CNTNAP2: variants seen among roughly 807,000 people sequenced by gnomAD.
CNTNAP2 encodes the protein contactin-associated protein-like 2.
CNTNAP2 carries 98 observed loss-of-function variants against 155.2 expected under a neutral mutation model. That is an observed-to-expected ratio of 0.63 (90% CI 0.54 to 0.75). CNTNAP2 has a LOEUF of 0.75. CNTNAP2 is among the 30% of genes least tolerant of loss of function. The probability of loss-of-function intolerance (pLI) is 0.00; values close to 1 mark genes in which losing one functional copy is unlikely to be tolerated. For synonymous variants in CNTNAP2, 651 were observed against 631.2 expected, an observed-to-expected ratio of 1.03 and a Z score of -0.47; for missense variants, 1,727 against 1,688.1, an observed-to-expected ratio of 1.02 and a Z score of -0.40.
At chr7:146,256,777 A>G (rs1050117753) in intron 1 of CNTNAP2, among the ~76,000 whole-genome samples, 2 of 152,094 alleles carry the variant, frequency 1.3e-5, no homozygotes, top group Non-Finnish European at 2.9e-5. Flanking sequence ...ATTTCCTTCA[A>G]TTACTGGTGG....
At chr7:148,294,488 G>A (rs10155900) in intron 21 of CNTNAP2, among the ~76,000 whole-genome samples, 115,634 of 151,968 alleles carry the variant, frequency 0.76, 44,233 homozygotes, top group South Asian at 0.91. Context: ...GGAGAATTCT[G>A]TGCAAACCTA....
intron 1 of CNTNAP2, among the ~76,000 whole-genome samples, chr7:146,585,202 A>G (rs1798670282): frequency 6.6e-6 from 1 of 151,878 alleles, no homozygotes; most frequent in Non-Finnish European, 1.5e-5. Context: ...GCTCACTGCA[A>G]CCTCTGACTC....
intron 15 of CNTNAP2, among the ~76,000 whole-genome samples, chr7:148,034,288 T>A (rs1585089126): frequency 1.3e-5 from 2 of 152,324 alleles, no homozygotes; most frequent in South Asian, 4.1e-4. Flanking sequence ...GTCCTCATTA[T>A]CAGGGCTATG....
chr7:147,915,988 G>A (rs1452030132), intron 14 of CNTNAP2, among the ~76,000 whole-genome samples: 1 of 152,120 alleles, frequency 6.6e-6, no homozygotes, highest in Non-Finnish European at 1.5e-5. Context: ...ACTCTTTTAG[G>A]AGCTTAACTA....
At chr7:147,702,167 T>C (rs1199169848) in intron 13 of CNTNAP2, among the ~76,000 whole-genome samples, 1 of 151,672 alleles carries the variant, frequency 6.6e-6, no homozygotes, top group African/African-American at 2.4e-5. Context: ...GTTAAGTTTG[T>C]CTTGGAGAGA....
intron 22 of CNTNAP2, among the ~76,000 whole-genome samples, chr7:148,407,745 A>G (rs1585352443): frequency 6.7e-6 from 1 of 149,688 alleles, no homozygotes; most frequent in Non-Finnish European, 1.5e-5. Flanking sequence ...CAGTTAAAAC[A>G]AGCAAAAACC....
At chr7:146,449,530 T>G (rs1796447653) in intron 1 of CNTNAP2, among the ~76,000 whole-genome samples, 1 of 152,192 alleles carries the variant, frequency 6.6e-6, no homozygotes, top group South Asian at 2.1e-4. Flanking sequence ...ATGTTTCATC[T>G]ACAGTATCAA....
At chr7:146,246,631 C>G (rs559305378) in intron 1 of CNTNAP2, among the ~76,000 whole-genome samples, 1 of 149,664 alleles carries the variant, frequency 6.7e-6, no homozygotes, top group Admixed American at 6.6e-5. Context: ...CCGAGGCGAT[C>G]CGACAGCATC....
At chr7:146,152,757 T>C (rs1798070425) in intron 1 of CNTNAP2, among the ~76,000 whole-genome samples, 1 of 152,110 alleles carries the variant, frequency 6.6e-6, no homozygotes, top group South Asian at 2.1e-4. Context: ...TTGAACTTTG[T>C]GATGAACACG....
intron 13 of CNTNAP2, among the ~76,000 whole-genome samples, chr7:147,833,279 G>A (rs1798584185): frequency 6.6e-6 from 1 of 152,120 alleles, no homozygotes; most frequent in African/African-American, 2.4e-5. Flanking sequence ...GAAGTTAGGA[G>A]ATAGAGATCC....
chr7:148,331,270 AG>A (rs1378030535), intron 21 of CNTNAP2, among the ~76,000 whole-genome samples: 1 of 84,538 alleles, frequency 1.2e-5, no homozygotes, highest in Non-Finnish European at 2.4e-5. Context: ...GGATGGATGG[AG>A]TGGACGGATG....
At chr7:148,236,729 G>A (rs1435367229) in intron 20 of CNTNAP2, among the ~76,000 whole-genome samples, 1 of 152,234 alleles carries the variant, frequency 6.6e-6, no homozygotes, top group African/African-American at 2.4e-5. Flanking sequence ...TCTGCAGGCT[G>A]TACAAGACGC....
intron 20 of CNTNAP2, among the ~76,000 whole-genome samples, chr7:148,238,353 A>T (rs888080101): frequency 6.6e-6 from 1 of 152,172 alleles, no homozygotes; most frequent in East Asian, 1.9e-4. Flanking sequence ...ATCTCAAAAA[A>T]AAAGAAGTCC....
chr7:147,004,196 C>T (rs61517240), intron 3 of CNTNAP2, among the ~76,000 whole-genome samples: 1,875 of 112,796 alleles, frequency 0.017, 48 homozygotes, highest in African/African-American at 0.068. Flanking sequence ...AATATTAAAA[C>T]TTAAAACTCA....
At chr7:146,483,282 AATATATATATATATATATATAT>A (rs200796835) in intron 1 of CNTNAP2, among the ~76,000 whole-genome samples, 414 of 39,882 alleles carry the variant, frequency 0.01, 11 homozygotes, top group South Asian at 0.055. Flanking sequence ...TCTAAAAAAA[AATATATATATATATATATATAT>A]ATATATATAT....
intron 21 of CNTNAP2, among the ~76,000 whole-genome samples, chr7:148,299,391 G>A (rs956789053): frequency 2.6e-5 from 4 of 152,244 alleles, no homozygotes; most frequent in Non-Finnish European, 4.4e-5. Flanking sequence ...TCAGAAACTA[G>A]AGGAGGGCAT....
chr7:148,140,227 A>G (rs114097572), intron 16 of CNTNAP2, among the ~76,000 whole-genome samples: 256 of 152,166 alleles, frequency 1.7e-3, no homozygotes, highest in African/African-American at 6.0e-3. Flanking sequence ...GGTATTGCCA[A>G]TGAGGGAAGC....
chr7:147,080,580 A>G (rs1800101926), intron 4 of CNTNAP2, among the ~76,000 whole-genome samples: 1 of 150,742 alleles, frequency 6.6e-6, no homozygotes, highest in Non-Finnish European at 1.5e-5. Context: ...TTTTAACTAA[A>G]ATCCTATGTT....
intron 21 of CNTNAP2, among the ~76,000 whole-genome samples, chr7:148,382,125 T>C (rs990538586): frequency 2.6e-5 from 4 of 152,232 alleles, no homozygotes; most frequent in African/African-American, 4.8e-5. Context: ...AATGGAAAAG[T>C]GAGAGCAGGC....
Sources: gnomAD v4.1 joint callset for allele counts (sites outside exome capture counted in the v4.1 genomes callset) on GRCh38, gnomAD v4.1.1 for gene constraint, MANE v1.5 for transcripts, NCBI Gene and HGNC (gene_info 2026-07-23, HGNC 2026-07-21) for gene names.